SCAPER: variants seen among roughly 807,000 people sequenced by gnomAD.
SCAPER encodes S phase cyclin A-associated protein in the endoplasmic reticulum.
A neutral mutation model predicts 182.2 loss-of-function variants in SCAPER; 98 were observed. The observed-to-expected ratio is 0.54, with a 90% CI of 0.46 to 0.64. The LOEUF (loss-of-function observed/expected upper bound fraction) is 0.64. Ranked by LOEUF, SCAPER falls within the 30% of genes least tolerant of loss-of-function variation. The pLI, the probability that SCAPER is intolerant of heterozygous loss-of-function variation, is 0.00. For missense variants in SCAPER, 1,432 were observed against 1,690.0 expected (o/e 0.85, Z 2.68); for synonymous variants, 605 against 564.6 (o/e 1.07, Z -1.01).
At chr15:76,465,350 TTCATGAGGGCTTTGTCC>T (rs1476821196) in intron 25 of SCAPER, among the ~76,000 whole-genome samples, 5 of 152,104 alleles carry the variant, frequency 3.3e-5, no homozygotes, top group Non-Finnish European at 1.5e-5. Context: ...TCTGAAAGTA[TTCATGAGGGCTTTGTCC>T]TCATGATGGA....
intron 26 of SCAPER, among the ~76,000 whole-genome samples, chr15:76,414,251 T>C (rs1415862581): frequency 6.6e-6 from 1 of 152,088 alleles, no homozygotes; most frequent in Non-Finnish European, 1.5e-5. Flanking sequence ...TTAAGTGCTT[T>C]GTAGAATTTA....
intron 22 of SCAPER, among the ~76,000 whole-genome samples, chr15:76,610,796 A>G (rs1005752263): frequency 2.6e-5 from 4 of 152,156 alleles, no homozygotes; most frequent in African/African-American, 9.7e-5. Flanking sequence ...ATAAATAGAT[A>G]CCCCATGTTA....
Position 76,857,830 on chromosome 15 carries a change from G to A in SCAPER, c.174C>T (p.Gly58=), listed in dbSNP as rs780734384. 2 of 1,545,834 alleles carry A rather than the reference G, an allele frequency of 1.3e-6. No individual in the cohort carries two copies. Among genetic ancestry groups the A allele is most frequent in the South Asian group, 2.4e-5 (2 of 82,944 alleles). ...TGGKSKRTIQ[G]THKTTKQSTA... ...GTACCTGTTTAGTAGTTTTATGAGTGCCTTGAATGGTCCTCTTAGATTTTC... is the reference window on the plus strand; with the variant it reads ...GTACCTGTTTAGTAGTTTTATGAGTACCTTGAATGGTCCTCTTAGATTTTC... The change falls in exon 4 of 32, where the codon GGC becomes GGT. Residue 58 remains glycine, a synonymous_variant. Transcript: ENST00000563290.
chr15:76,526,891 C>T (rs570579945), intron 23 of SCAPER, among the ~76,000 whole-genome samples: 66 of 150,510 alleles, frequency 4.4e-4, no homozygotes, highest in African/African-American at 1.4e-3. Context: ...TAGGGGGGAA[C>T]GTAGTTTTCT....
intron 4 of SCAPER, among the ~76,000 whole-genome samples, chr15:76,849,718 C>T (rs2070513269): frequency 6.6e-6 from 1 of 152,188 alleles, no homozygotes; most frequent in African/African-American, 2.4e-5. Context: ...GATCACATCC[C>T]AAAGCTTCAA....
At chr15:76,562,941 A>C (rs1456715414) in intron 23 of SCAPER, among the ~76,000 whole-genome samples, 2 of 152,188 alleles carry the variant, frequency 1.3e-5, no homozygotes, top group African/African-American at 4.8e-5. Flanking sequence ...TCGAAAACAT[A>C]ATTTTGATAG....
intron 5 of SCAPER, among the ~76,000 whole-genome samples, chr15:76,839,642 C>T (rs1193601264): frequency 6.6e-6 from 1 of 152,216 alleles, no homozygotes; most frequent in Non-Finnish European, 1.5e-5. Context: ...AAACACATCT[C>T]TATTCCTCTC....
At chr15:76,721,364 C>T (rs375817958) in intron 17 of SCAPER, among the ~76,000 whole-genome samples, 13,514 of 151,800 alleles carry the variant, frequency 0.089, 723 homozygotes, top group African/African-American at 0.14. Context: ...TAGTGTGATG[C>T]CTCCAGCTTT....
Position 76,430,148 on chromosome 15 carries a change from C to T in SCAPER, c.3311+3930G>A, listed in dbSNP as rs544192776. ...TCAAGAATTGAAGTTTGGGAACCTA[C>T]ACCTAGATTTCACAGGATGTACGGA... On this transcript the variant is annotated intron_variant, in intron 26 of 31. Transcript: ENST00000563290. 3.9e-5 allele frequency among the ~76,000 whole-genome samples: 6 copies of T among 152,346 alleles called. No homozygotes were observed. In the East Asian group the frequency reaches 1.2e-3, roughly 29 times the overall value.
chr15:76,798,334 T>C (rs1300472280), intron 7 of SCAPER, among the ~76,000 whole-genome samples: 2 of 143,132 alleles, frequency 1.4e-5, no homozygotes, highest in African/African-American at 5.2e-5. Flanking sequence ...TACTCCAGCC[T>C]GGGCAACAGA....
At chr15:76,371,918 C>CA (rs1187825847) in intron 29 of SCAPER, among the ~76,000 whole-genome samples, 131 of 146,062 alleles carry the variant, frequency 9.0e-4, no homozygotes, top group African/African-American at 2.0e-3. Context: ...AACTCTGTCT[C>CA]AAAAAAAAAA....
intron 1 of SCAPER, among the ~76,000 whole-genome samples, chr15:76,888,416 C>T (rs2073976060): frequency 6.6e-6 from 1 of 152,028 alleles, no homozygotes; most frequent in African/African-American, 2.4e-5. Flanking sequence ...CAAGGAAGCT[C>T]AAAAACCTTG....
At position 76,863,900 on chromosome 15, in the gene SCAPER, C is replaced by A. The variant is rs2072067536; in HGVS notation, c.7-1367G>T. 2.6e-5 allele frequency among the ~76,000 whole-genome samples: 4 copies of A among 152,240 alleles called. No homozygotes were observed. In the South Asian group the frequency reaches 8.3e-4, roughly 32 times the overall value. ...GCTGTCATGCCATGAGAAGCCCAAG[C>A]CACAAGTAGAGAGACCACACATGGG... On this transcript the variant is annotated intron_variant, in intron 2 of 31. Coordinates refer to ENST00000563290, the MANE Select transcript of SCAPER (RefSeq NM_020843.4).
Position 76,476,972 on chromosome 15 carries a change from G to T in SCAPER, c.2955-5637C>A, listed in dbSNP as rs151102323. ...TTAGTTGCAAGCCATGGTGTTAATG[G>T]GGGGGAAGCTCAGGTTGATTTAAAT... On this transcript the variant is annotated intron_variant, in intron 24 of 31. Transcript: ENST00000563290. 5.1e-4 allele frequency among the ~76,000 whole-genome samples: 78 copies of T among 152,134 alleles called. 1 individual carries two copies. Among genetic ancestry groups the T allele is most frequent in the African/African-American group, 1.7e-3 (70 of 41,506 alleles).
intron 24 of SCAPER, among the ~76,000 whole-genome samples, 183 bp downstream of exon 24, chr15:76,504,676 C>T (rs371627718): frequency 4.6e-5 from 7 of 152,078 alleles, no homozygotes; most frequent in African/African-American, 1.2e-4. Context: ...GCTTTTTAGG[C>T]TCAATTTGAG....
At chr15:76,478,403 C>T (rs1407171988) in intron 24 of SCAPER, among the ~76,000 whole-genome samples, 1 of 151,936 alleles carries the variant, frequency 6.6e-6, no homozygotes, top group East Asian at 1.9e-4. Context: ...TATATTGAGA[C>T]TAAACAATTC....
At chr15:76,776,928 T>A (rs2063778986) in intron 8 of SCAPER, among the ~76,000 whole-genome samples, 2 of 151,948 alleles carry the variant, frequency 1.3e-5, no homozygotes, top group South Asian at 4.2e-4. Flanking sequence ...ATTGAAAAAA[T>A]AATGGCTGAA....
chr15:76,700,101 G>A (rs563453595), intron 20 of SCAPER, among the ~76,000 whole-genome samples: 1 of 152,336 alleles, frequency 6.6e-6, no homozygotes, highest in Admixed American at 6.5e-5. Flanking sequence ...CGCACTGCAA[G>A]AAGGCATGGC....
At position 76,601,689 on chromosome 15, in the gene SCAPER, T is replaced by C. The variant is rs1362772412; in HGVS notation, c.2711+20075A>G. Among the ~76,000 whole-genome samples the C allele has an allele frequency of 1.6e-5, 2 of 122,102 alleles. 1 individual carries two copies. Among genetic ancestry groups the C allele is most frequent in the Non-Finnish European group, 4.0e-5 (2 of 50,226 alleles). 80.1% of individuals were successfully genotyped at this position (122,102 alleles called of 152,430 possible). A position where few individuals can be genotyped will look rare whatever the true frequency, so the allele number is the denominator to read the frequency against. On this transcript the variant is annotated intron_variant, in intron 22 of 31. Transcript: ENST00000563290. ...TTTTAGTAGTTGCAAACTAAAAGTT[T>C]GCAGTATAGATTTATAATTATTCCA...
Sources: gnomAD v4.1 joint callset for allele counts (sites outside exome capture counted in the v4.1 genomes callset) on GRCh38, gnomAD v4.1.1 for gene constraint, MANE v1.5 for transcripts, NCBI Gene and HGNC (gene_info 2026-07-23, HGNC 2026-07-21) for gene names.